TOP2B: variants seen among roughly 807,000 people sequenced by gnomAD.
TOP2B encodes the protein DNA topoisomerase 2-beta.
A neutral mutation model predicts 193.5 loss-of-function variants in TOP2B; 51 were observed. The observed-to-expected ratio is 0.26, with a 90% CI of 0.21 to 0.33. TOP2B has a LOEUF of 0.33. Among genes scored for constraint, TOP2B ranks in the 10% least tolerant of loss-of-function variants. The pLI is 1.00. For synonymous variants in TOP2B, 634 were observed against 635.7 expected (o/e 1.00, Z 0.04); for missense variants, 1,378 against 1,909.3 (o/e 0.72, Z 5.19).
chr3:25,610,815 A>G (rs1156353385), intron 28 of TOP2B, among the ~76,000 whole-genome samples: 1 of 152,190 alleles, frequency 6.6e-6, no homozygotes, highest in Non-Finnish European at 1.5e-5. Flanking sequence ...CTAGAAACAG[A>G]GAGTTAAGAG....
chr3:25,601,072 T>A lies in TOP2B; in HGVS notation c.4615+28A>T, dbSNP rs1166804335. ...CAATCTTTTCCACACAGCATATGTT[T>A]AAAGGGTTATAAGAAGATAATCCTC... is the stretch of plus-strand genomic sequence containing the variant. On this transcript the variant is annotated intron_variant, in intron 34 of 35. Transcript: ENST00000264331. 3.1e-6 allele frequency: 5 copies of A among 1,607,534 alleles called. No individual in the cohort carries two copies. The East Asian group carries it at 8.9e-5, about 29-fold the overall frequency.
At chr3:25,631,971 C>T (rs927264633) in intron 10 of TOP2B, among the ~76,000 whole-genome samples, 11 of 151,980 alleles carry the variant, frequency 7.2e-5, no homozygotes, top group African/African-American at 2.4e-4. Flanking sequence ...TATTTGTGCT[C>T]TCACCTTATT....
At position 25,629,131 on chromosome 3, in the gene TOP2B, A is replaced by G. The variant is rs910836024; in HGVS notation, c.1704T>C (p.Ser568=). Residue 568 remains serine, a synonymous_variant, in exon 14 of 36, where the codon TCT becomes TCC. Transcript: ENST00000264331. ...AATTAATAAGCAGGCCTTTTATGTG[A>G]GAACCATCTTGATCCTAAATAAATG... ...MIMTDQDQDG[S]HIKGLLINFI... is the part of the protein sequence containing the mutation. The G allele has an allele frequency of 1.3e-6, 2 of 1,590,148 alleles. No individual in the cohort carries two copies. Among genetic ancestry groups the G allele is most frequent in the Non-Finnish European group, 1.7e-6 (2 of 1,170,814 alleles).
chr3:25,619,654 A>G (rs921635200), intron 23 of TOP2B, among the ~76,000 whole-genome samples: 1 of 151,922 alleles, frequency 6.6e-6, no homozygotes, highest in African/African-American at 2.4e-5. Context: ...CAGATGCATA[A>G]ACACAGAGTT....
intron 8 of TOP2B, among the ~76,000 whole-genome samples, chr3:25,633,168 C>T (rs1347964787): frequency 6.6e-6 from 1 of 152,106 alleles, no homozygotes; most frequent in African/African-American, 2.4e-5. Context: ...CACAGGACTC[C>T]CCACACTTCA....
rs2125365391 is a variant in TOP2B at position 25,620,799 on chromosome 3, G to C, written c.2745C>G (p.Asn915Lys). 4 of 1,613,290 alleles carry C rather than the reference G, an allele frequency of 2.5e-6. No homozygotes were observed. The highest frequency in any genetic ancestry group is 3.4e-6 in the Non-Finnish European group (4 of 1,179,530). Reference sequence around the variant, plus strand: ...CAAGTTCTTGAATCGTGCCTTTAAAGTTTTTGTAGTTTGGAAGCTGTAGAG... The same window carrying C: ...CAAGTTCTTGAATCGTGCCTTTAAACTTTTTGTAGTTTGGAAGCTGTAGAG... ...DPHPMLPNYK[N>K]FKGTIQELGQ... The change falls in exon 22 of 36, where the codon AAC (asparagine) becomes AAG (lysine). Residue 915 changes from asparagine to lysine, a missense_variant. By Grantham distance (94) the Asn-to-Lys change is moderately conservative (BLOSUM62 0). Coordinates refer to ENST00000264331, the MANE Select transcript of TOP2B (RefSeq NM_001330700.2).
intron 27 of TOP2B, among the ~76,000 whole-genome samples, 156 bp from the exon 28 acceptor site, chr3:25,612,865 TAAAG>T (rs970419059): frequency 1.2e-4 from 19 of 152,064 alleles, no homozygotes; most frequent in African/African-American, 4.6e-4. Flanking sequence ...GGAAAAAAAA[TAAAG>T]AATTCTAAAT....
chr3:25,642,184 G>A (rs1703283416), intron 4 of TOP2B, 138 bp downstream of exon 4: 2 of 501,526 alleles, frequency 4.0e-6, no homozygotes, highest in Non-Finnish European at 7.1e-6. Context: ...ACAGAAAAGA[G>A]GCAAAAATAA....
rs900114347 is a variant in TOP2B at position 25,625,023 on chromosome 3, T to C, written c.2225-220A>G. On this transcript the variant is annotated intron_variant, in intron 18 of 35. Transcript: ENST00000264331. ...TATACTAAGATGTTTTTATGCCATC[T>C]CCATCTACTCCAAAAGTGAACTGCC... 7 of 355,234 alleles carry C rather than the reference T, an allele frequency of 2.0e-5. No homozygotes were observed. The Admixed American group carries it at 2.7e-4, about 14-fold the overall frequency. The allele number at this position is 355,234 out of a possible 1,614,324, so 22.0% of individuals were successfully genotyped here. A position where few individuals can be genotyped will look rare whatever the true frequency, so the allele number is the denominator to read the frequency against.
intron 1 of TOP2B, among the ~76,000 whole-genome samples, chr3:25,646,583 C>T (rs1703421296): frequency 6.6e-6 from 1 of 152,148 alleles, no homozygotes; most frequent in African/African-American, 2.4e-5. Flanking sequence ...GATGGCCTAT[C>T]TTTTCAGAAT....
chr3:25,608,164 G>GT (rs1702282155), intron 30 of TOP2B, among the ~76,000 whole-genome samples: 1 of 152,042 alleles, frequency 6.6e-6, no homozygotes, highest in South Asian at 2.1e-4. Flanking sequence ...AACAAAGACA[G>GT]TAATTTTTTA....
Position 25,612,543 on chromosome 3 carries a change from G to C in TOP2B, c.3758C>G (p.Ala1253Gly), listed in dbSNP as rs1439761739. Residue 1253 changes from alanine to glycine, a missense_variant, in exon 28 of 36, where the codon GCC (alanine) becomes GGC (glycine). Ala to Gly is a moderately conservative substitution (Grantham distance 60). Around this residue, in one of 9 missense-constraint regions of TOP2B, gnomAD observed 556 missense variants for 584.2 expected, o/e 0.95. Transcript: ENST00000264331. ...IPEITAMKAD[A>G]SKKLLKKKKG... The stretch of plus-strand genomic sequence containing the variant: ...CTTCTTCTTCAGCAACTTTTTGCTG[G>C]CATCTGCCTTCATAGCTGTAATTTC... The C allele has an allele frequency of 1.2e-6, 2 of 1,609,106 alleles. No homozygotes were observed. The highest frequency in any genetic ancestry group is 1.1e-5 in the South Asian group (1 of 90,294).
Position 25,664,564 on chromosome 3 carries a change from C to T in TOP2B, c.-267G>A. ...CGGCTGAGGAGAAAGCAGGGAGCGACCGGCGGCGGCCGAGCGGCGGCGTTG... is the reference window on the plus strand; with the variant it reads ...CGGCTGAGGAGAAAGCAGGGAGCGATCGGCGGCGGCCGAGCGGCGGCGTTG... On this transcript the variant is annotated 5_prime_UTR_variant, in exon 1 of 36. Coordinates refer to ENST00000264331, the MANE Select transcript of TOP2B (RefSeq NM_001330700.2). The T allele has an allele frequency of 3.7e-6, 4 of 1,070,488 alleles. No individual in the cohort carries two copies. Among genetic ancestry groups the T allele is most frequent in the Non-Finnish European group, 4.5e-6 (4 of 886,008 alleles). 66.3% of individuals were successfully genotyped at this position (1,070,488 alleles called of 1,614,324 possible).
chr3:25,646,977 T>C (rs1365545615), intron 1 of TOP2B, among the ~76,000 whole-genome samples: 1 of 152,188 alleles, frequency 6.6e-6, no homozygotes, highest in East Asian at 1.9e-4. Context: ...TTCTTATACA[T>C]TCCTACATTT....
At chr3:25,651,299 AAG>A (rs1270743665) in intron 1 of TOP2B, among the ~76,000 whole-genome samples, 1 of 152,176 alleles carries the variant, frequency 6.6e-6, no homozygotes, top group African/African-American at 2.4e-5. Context: ...TGAAAAAAGG[AAG>A]AGTTTTCATA....
Position 25,664,744 on chromosome 3 carries a change from C to A in TOP2B, c.-447G>T. The stretch of plus-strand genomic sequence containing the variant: ...CTCCGCGAAGGCCAGCCACTCGAGT[C>A]GCCAGAGTAGTCGTCCCGGTCGCCG... On this transcript the variant is annotated 5_prime_UTR_variant, in exon 1 of 36. Transcript: ENST00000264331. 1.0e-6 allele frequency: 1 copy of A among 988,080 alleles called. No individual in the cohort carries two copies. The highest frequency in any genetic ancestry group is 1.2e-6 in the Non-Finnish European group (1 of 830,564). The allele number at this position is 988,080 out of a possible 1,614,324, so 61.2% of individuals were successfully genotyped here.
At chr3:25,615,376 A>T (rs1702476750) in intron 26 of TOP2B, 55 bp downstream of exon 26, 1 of 1,537,618 alleles carries the variant, frequency 6.5e-7, no homozygotes, top group East Asian at 2.3e-5. Context: ...AAAAAGAAAA[A>T]GATACAGATA....
At chr3:25,651,300 A>G (rs1305891276) in intron 1 of TOP2B, among the ~76,000 whole-genome samples, 1 of 152,170 alleles carries the variant, frequency 6.6e-6, no homozygotes, top group Non-Finnish European at 1.5e-5. Context: ...GAAAAAAGGA[A>G]GAGTTTTCAT....
At chr3:25,604,907 T>G in intron 32 of TOP2B, 37 bp from the exon 33 acceptor site, 1 of 1,474,184 alleles carries the variant, frequency 6.8e-7, no homozygotes, top group African/African-American at 1.4e-5. Context: ...TAAAGAGATG[T>G]TATAAAGATC....
Sources: gnomAD v4.1 joint callset for allele counts (sites outside exome capture counted in the v4.1 genomes callset) on GRCh38, gnomAD v4.1.1 for gene constraint, gnomAD v4.1.1 regional missense constraint, MANE v1.5 for transcripts, NCBI Gene and HGNC (gene_info 2026-07-23, HGNC 2026-07-21) for gene names.